OR6C74: variants seen among roughly 807,000 people sequenced by gnomAD.
OR6C74 encodes olfactory receptor 6C74.
For synonymous variants in OR6C74, 142 were observed against 134.2 expected (o/e 1.06, Z -0.40); for missense variants, 361 against 362.9 (o/e 0.99, Z 0.04).
At position 55,256,203 on chromosome 12, in the gene OR6C74, G is replaced by A. The variant is rs574266340; in HGVS notation, c.*7977G>A. 6.6e-6 allele frequency among the ~76,000 whole-genome samples: 1 copy of A among 152,118 alleles called. No individual in the cohort carries two copies. The highest frequency in any genetic ancestry group is 1.5e-5 in the Non-Finnish European group (1 of 67,990). On this transcript the variant is annotated 3_prime_UTR_variant, in exon 2 of 2. Coordinates refer to ENST00000343399, the MANE Select transcript of OR6C74 (RefSeq NM_001005490.2). ...TCACCAAGATTCCTGTCCCAGAAAA[G>A]CAGATGTTCATAGCTCTGGGAATGG...
At chr12:55,247,105 C>T (rs1954274697) in intron 1 of OR6C74, 174 bp from the exon 2 acceptor site, 2 of 479,346 alleles carry the variant, frequency 4.2e-6, no homozygotes, top group Non-Finnish European at 7.3e-6. Context: ...CAAAAAGTTG[C>T]ATGTATTTAG....
At position 55,253,287 on chromosome 12, in the gene OR6C74, T is replaced by C. The variant is rs1954322926; in HGVS notation, c.*5061T>C. ...TTTACTACCTAATTTAACTTATGGG[T>C]TCATTATCATCTGCTAAAATTTATC... On this transcript the variant is annotated 3_prime_UTR_variant, in exon 2 of 2. Coordinates refer to ENST00000343399, the MANE Select transcript of OR6C74 (RefSeq NM_001005490.2). 6.6e-6 allele frequency among the ~76,000 whole-genome samples: 1 copy of C among 152,054 alleles called. No individual in the cohort carries two copies. The highest frequency in any genetic ancestry group is 2.1e-4 in the South Asian group (1 of 4,828).
At chr12:55,245,858 A>G (rs1420169718) in intron 1 of OR6C74, among the ~76,000 whole-genome samples, 2 of 152,092 alleles carry the variant, frequency 1.3e-5, no homozygotes, top group Non-Finnish European at 2.9e-5. Flanking sequence ...TATGGACTAC[A>G]TTTAAATGAC....
Position 55,247,799 on chromosome 12 carries a change from C to A in OR6C74, c.512C>A (p.Thr171Asn). 4 of 1,613,988 alleles carry A rather than the reference C, an allele frequency of 2.5e-6. No individual in the cohort carries two copies. Among genetic ancestry groups the A allele is most frequent in the Non-Finnish European group, 3.4e-6 (4 of 1,179,976 alleles). Residue 171 changes from threonine to asparagine, a missense_variant, in exon 2 of 2, where the codon ACT becomes AAT. Transcript: ENST00000343399. ...GLQLDFCAANTVDHFFCDVSP... is the reference protein window; with the variant it reads ...GLQLDFCAANNVDHFFCDVSP... ...CAGCTTGATTTCTGTGCAGCCAACA[C>A]TGTAGATCATTTCTTCTGTGATGTT...
chr12:55,246,747 G>A (rs1203672108), intron 1 of OR6C74, among the ~76,000 whole-genome samples: 1 of 152,154 alleles, frequency 6.6e-6, no homozygotes, highest in Non-Finnish European at 1.5e-5. Flanking sequence ...GTTTTTAGAA[G>A]TTTGGTGAGG....
chr12:55,247,429 C>A lies in OR6C74; in HGVS notation c.142C>A (p.Leu48Ile), dbSNP rs887597126. ...GAATCTAACCATCATCACTCTCACC[C>A]TACTGGATTTGCATCTCAAGACACC... ...TGNLTIITLT[L>I]LDLHLKTPMY... Residue 48 changes from leucine to isoleucine, a missense_variant, in exon 2 of 2, where the codon CTA becomes ATA. Physicochemically the swap from Leu to Ile is conservative, Grantham distance 5. Transcript: ENST00000343399. The A allele has an allele frequency of 1.1e-5, 17 of 1,613,582 alleles. No individual in the cohort carries two copies. Among genetic ancestry groups the A allele is most frequent in the Non-Finnish European group, 1.4e-5 (16 of 1,179,634 alleles).
Position 55,247,364 on chromosome 12 carries a change from T to C in OR6C74, c.77T>C (p.Phe26Ser). 1 of 1,612,458 alleles carries C rather than the reference T, an allele frequency of 6.2e-7. No individual in the cohort carries two copies. The highest frequency in any genetic ancestry group is 8.5e-7 in the Non-Finnish European group (1 of 1,178,524). ...TDDPQLQVII[F>S]LLLFFTYMLS... Reference sequence around the variant, plus strand: ...GATCCACAATTACAGGTGATTATTTTTCTTCTCCTTTTTTTCACCTACATG... The same window carrying C: ...GATCCACAATTACAGGTGATTATTTCTCTTCTCCTTTTTTTCACCTACATG... The change falls in exon 2 of 2, where the codon TTT becomes TCT. Residue 26 changes from phenylalanine to serine, a missense_variant. Transcript: ENST00000343399.
intron 1 of OR6C74, among the ~76,000 whole-genome samples, chr12:55,245,207 G>T (rs1036851013): frequency 1.3e-5 from 2 of 152,050 alleles, no homozygotes; most frequent in Admixed American, 6.5e-5. Context: ...AAAATTAAGT[G>T]TGTTATAAGA....
At position 55,247,982 on chromosome 12, in the gene OR6C74, GAA is replaced by G. The variant is rs1286886511; in HGVS notation, c.701_702del (p.Lys234SerfsTer36). 1 of 1,613,506 alleles carries G rather than the reference GAA, an allele frequency of 6.2e-7. No homozygotes were observed. The highest frequency in any genetic ancestry group is 1.7e-5 in the Admixed American group (1 of 59,892). ...CTGAAAATACCTTCTTCTCAACAGA[GAA>G]AAAAAGCATTTTCTACATGTTCTTC... On this transcript the variant is annotated frameshift_variant, in exon 2 of 2. Transcript: ENST00000343399. LOFTEE classifies it high-confidence loss of function.
chr12:55,250,525 G>A lies in OR6C74; in HGVS notation c.*2299G>A, dbSNP rs1954305336. Among the ~76,000 whole-genome samples the A allele has an allele frequency of 1.3e-5, 2 of 152,018 alleles. No individual in the cohort carries two copies. Among genetic ancestry groups the A allele is most frequent in the South Asian group, 4.1e-4 (2 of 4,832 alleles). ...CTAGGCCTAAGTTACGATGGGAAAA[G>A]ATTAGTGAAGATCATTTTTTACTTA... On this transcript the variant is annotated 3_prime_UTR_variant, in exon 2 of 2. Coordinates refer to ENST00000343399, the MANE Select transcript of OR6C74 (RefSeq NM_001005490.2).
chr12:55,249,547 T>TAAATATATATATATATATATTTTAG lies in OR6C74; in HGVS notation c.*1335_*1336insATATATTTTAGAAATATATATATAT, dbSNP rs1357160372. 5.3e-5 allele frequency among the ~76,000 whole-genome samples: 8 copies of TAAATATATATATATATATATTTTAG among 152,162 alleles called. No homozygotes were observed. The East Asian group carries it at 1.2e-3, about 22-fold the overall frequency. ...TTTTACAAGCATTAGTGAGAAGCTT[T>TAAATATATATATATATATATTTTAG]AAATATATATATATCTAAATAAATA... On this transcript the variant is annotated 3_prime_UTR_variant, in exon 2 of 2. Transcript: ENST00000343399.
In OR6C74 at chr12:55,253,454, C is replaced by A. The variant is rs1339851565; in HGVS notation, c.*5228C>A. Among the ~76,000 whole-genome samples, 2 of 152,036 alleles carry A rather than the reference C, an allele frequency of 1.3e-5. No homozygotes were observed. Among genetic ancestry groups the A allele is most frequent in the African/African-American group, 4.8e-5 (2 of 41,432 alleles). ...TATAATGATGCTGTCTGTTTATTAT[C>A]TCTTAGTGAGGGAGACCATATGGTT... On this transcript the variant is annotated 3_prime_UTR_variant, in exon 2 of 2. Transcript: ENST00000343399.
Position 55,248,500 on chromosome 12 carries a change from G to A in OR6C74, c.*274G>A, listed in dbSNP as rs1413365671. 6.6e-6 allele frequency among the ~76,000 whole-genome samples: 1 copy of A among 152,136 alleles called. No individual in the cohort carries two copies. Among genetic ancestry groups the A allele is most frequent in the Non-Finnish European group, 1.5e-5 (1 of 68,012 alleles). ...TCCTCTCAAAATTCTCTCAGAGGAA[G>A]ACAAAGTGAGACTTCAGTTTTTCCA... On this transcript the variant is annotated 3_prime_UTR_variant, in exon 2 of 2. Transcript: ENST00000343399.
chr12:55,245,451 A>G (rs1020446110), intron 1 of OR6C74, among the ~76,000 whole-genome samples: 2 of 152,118 alleles, frequency 1.3e-5, no homozygotes, highest in Admixed American at 1.3e-4. Context: ...GTCATGTTGC[A>G]TTCAATGTTA....
chr12:55,249,912 C>G lies in OR6C74; in HGVS notation c.*1686C>G, dbSNP rs980750419. ...TAATGCTATCCCTCCCCTCTCCCCC[C>G]ACCTCACAGCAGGCCCCGGTGTGTG... On this transcript the variant is annotated 3_prime_UTR_variant, in exon 2 of 2. Coordinates refer to ENST00000343399, the MANE Select transcript of OR6C74 (RefSeq NM_001005490.2). Among the ~76,000 whole-genome samples the G allele has an allele frequency of 5.3e-5, 8 of 152,102 alleles. No homozygotes were observed. Among genetic ancestry groups the G allele is most frequent in the South Asian group, 2.1e-4 (1 of 4,830 alleles).
At position 55,252,154 on chromosome 12, in the gene OR6C74, T is replaced by A. The variant is rs1055632091; in HGVS notation, c.*3928T>A. Among the ~76,000 whole-genome samples, 2 of 151,754 alleles carry A rather than the reference T, an allele frequency of 1.3e-5. No individual in the cohort carries two copies. The highest frequency in any genetic ancestry group is 3.0e-5 in the Non-Finnish European group (2 of 67,786). ...AAATGATCAATATATTTTAATAATA[T>A]AACTTTACAGTATAACTTTTAATTT... On this transcript the variant is annotated 3_prime_UTR_variant, in exon 2 of 2. Transcript: ENST00000343399.
Position 55,247,298 on chromosome 12 carries a change from A to C in OR6C74, c.11A>C (p.His4Pro). Residue 4 changes from histidine (H) to proline (P), a missense_variant, in exon 2 of 2, where the codon CAT becomes CCT. Transcript: ENST00000343399. Reference sequence around the variant, plus strand: ...AAATAGAAATCAACTATGAGAAACCATACAACAGTAGCAAACTTTATTCTT... The same window carrying C: ...AAATAGAAATCAACTATGAGAAACCCTACAACAGTAGCAAACTTTATTCTT... MRN[H>P]TTVANFILLG... 1 of 1,590,030 alleles carries C rather than the reference A, an allele frequency of 6.3e-7. No homozygotes were observed.
chr12:55,248,079 AAG>A lies in OR6C74; in HGVS notation c.795_796del (p.Arg265SerfsTer5), dbSNP rs755636083. On this transcript the variant is annotated frameshift_variant, in exon 2 of 2. Coordinates refer to ENST00000343399, the MANE Select transcript of OR6C74 (RefSeq NM_001005490.2). LOFTEE classifies it low-confidence loss of function (END_TRUNC). ...FMYVKPSAKE[R>X]VSLNKGIALL... ...TGTATGTGAAACCCTCAGCAAAAGA[AAG>A]AGTGTCATTAAATAAAGGGATAGCT... 2.0e-5 allele frequency: 33 copies of A among 1,614,000 alleles called. No individual in the cohort carries two copies. The highest frequency in any genetic ancestry group is 2.7e-5 in the African/African-American group (2 of 74,926).
rs1196383391 is a variant in OR6C74, at chr12:55,244,724, A to G, written c.-103A>G. The stretch of plus-strand genomic sequence containing the variant: ...TGTATATATAGAAGAGATATGATAA[A>G]CATAGAGGTAGATATATGCTCCAAA... On this transcript the variant is annotated 5_prime_UTR_variant, in exon 1 of 2. Transcript: ENST00000343399. 7.1e-6 allele frequency among the ~76,000 whole-genome samples: 1 copy of G among 140,318 alleles called. No individual in the cohort carries two copies. Among genetic ancestry groups the G allele is most frequent in the African/African-American group, 2.5e-5 (1 of 40,302 alleles). The allele number at this position is 140,318 out of a possible 152,430, so 92.1% of individuals were successfully genotyped here.
Sources: gnomAD v4.1 joint callset for allele counts (sites outside exome capture counted in the v4.1 genomes callset) on GRCh38, gnomAD v4.1.1 for gene constraint, MANE v1.5 for transcripts, NCBI Gene and HGNC (gene_info 2026-07-23, HGNC 2026-07-21) for gene names.